The following SLC40A1 variants were observed in gnomAD, a reference collection of about 807,000 sequenced individuals.
SLC40A1 encodes ferroportin.
A neutral mutation model predicts 53.5 loss-of-function variants in SLC40A1; 16 were observed. That is an observed-to-expected ratio of 0.30 (90% CI 0.20 to 0.45). SLC40A1 has a LOEUF of 0.45. SLC40A1 is among the 20% of genes least tolerant of loss of function. The pLI, the probability that SLC40A1 is intolerant of heterozygous loss-of-function variation, is 1.00. For synonymous variants in SLC40A1, 247 were observed against 253.2 expected, an observed-to-expected ratio of 0.98 and a Z score of 0.23; for missense variants, 545 against 695.4, an observed-to-expected ratio of 0.78 and a Z score of 2.43.
chr2:189,568,749 C>T (rs2031016608), intron 5 of SLC40A1, among the ~76,000 whole-genome samples: 1 of 152,168 alleles, frequency 6.6e-6, no homozygotes, highest in Non-Finnish European at 1.5e-5. Context: ...GTTTTGTCTA[C>T]TTCATATATG....
At chr2:189,578,156 T>G (rs2031349649) in intron 2 of SLC40A1, 1 of 944,388 alleles carries the variant, frequency 1.1e-6, no homozygotes. Flanking sequence ...AACATAAATG[T>G]TTTGTTGTAA....
At chr2:189,570,972 G>A (rs2031107719) in intron 5 of SLC40A1, among the ~76,000 whole-genome samples, 1 of 152,150 alleles carries the variant, frequency 6.6e-6, no homozygotes, top group Non-Finnish European at 1.5e-5. Flanking sequence ...CAGGGGAATT[G>A]TAATTCCAAT....
At position 189,561,960 on chromosome 2, in the gene SLC40A1, G is replaced by A; in HGVS notation, c.1634C>T (p.Thr545Ile). 2 of 1,614,084 alleles carry A rather than the reference G, an allele frequency of 1.2e-6. No homozygotes were observed. Among genetic ancestry groups the A allele is most frequent in the Non-Finnish European group, 1.7e-6 (2 of 1,179,978 alleles). The change falls in exon 8 of 8, where the codon ACT becomes ATT. Residue 545 changes from threonine (T) to isoleucine (I), a missense_variant. Transcript: ENST00000261024. ...GCAAGCAAAGAGCTTGTTTCCCAGA[G>A]TATTTTGGGCAAATCGGAAATACAT... is the stretch of plus-strand genomic sequence containing the variant. ...HIMYFRFAQN[T>I]LGNKLFACGP... is the part of the protein sequence containing the mutation.
chr2:189,569,273 T>C (rs1377103343), intron 5 of SLC40A1, among the ~76,000 whole-genome samples: 2 of 152,208 alleles, frequency 1.3e-5, no homozygotes, highest in East Asian at 1.9e-4. Context: ...CTCAAAACTT[T>C]TACTTTTCAT....
intron 3 of SLC40A1, 134 bp from the exon 4 acceptor site, chr2:189,573,095 T>G: frequency 1.4e-6 from 1 of 740,252 alleles, no homozygotes; most frequent in Non-Finnish European, 2.4e-6. Flanking sequence ...AGAAAACCTT[T>G]CTGAAGTCAG....
At chr2:189,577,727 ACCT>A (rs1335634053) in intron 2 of SLC40A1, among the ~76,000 whole-genome samples, 11 of 148,416 alleles carry the variant, frequency 7.4e-5, no homozygotes, top group Non-Finnish European at 1.5e-5. Flanking sequence ...CAATTCTTCC[ACCT>A]CAGCCTCTCA....
chr2:189,570,483 G>T (rs1372358003), intron 5 of SLC40A1, among the ~76,000 whole-genome samples: 1 of 152,090 alleles, frequency 6.6e-6, no homozygotes, highest in African/African-American at 2.4e-5. Context: ...TGACAAAAAA[G>T]ACATGAAATT....
chr2:189,575,473 T>C (rs896864733), intron 2 of SLC40A1, among the ~76,000 whole-genome samples, 153 bp from the exon 3 acceptor site: 1 of 152,242 alleles, frequency 6.6e-6, no homozygotes, highest in African/African-American at 2.4e-5. Context: ...ACTGCTCAGA[T>C]GTTAAAACGT....
chr2:189,561,646 C>A lies in SLC40A1; in HGVS notation c.*232G>T, dbSNP rs976517405. Reference sequence around the variant, plus strand: ...GAATTCAGTGTTATCATTATAGTCTCCGTATTTAAACTGAGTTTTTCTTTT... The same window carrying A: ...GAATTCAGTGTTATCATTATAGTCTACGTATTTAAACTGAGTTTTTCTTTT... On this transcript the variant is annotated 3_prime_UTR_variant, in exon 8 of 8. Coordinates refer to ENST00000261024, the MANE Select transcript of SLC40A1 (RefSeq NM_014585.6). 1 of 519,278 alleles carries A rather than the reference C, an allele frequency of 1.9e-6. No individual in the cohort carries two copies. Among genetic ancestry groups the A allele is most frequent in the Non-Finnish European group, 3.5e-6 (1 of 288,382 alleles). 32.2% of individuals were successfully genotyped at this position (519,278 alleles called of 1,614,324 possible).
rs1174018670 is a variant in SLC40A1, at chr2:189,561,546, CT to C, written c.*331del. On this transcript the variant is annotated 3_prime_UTR_variant, in exon 8 of 8. Transcript: ENST00000261024. ...TCTGAATTCTAGTACAGATAAGAAT[CT>C]GTCAAATGATAACTGAATTCACGTG... 1 of 260,112 alleles carries C rather than the reference CT, an allele frequency of 3.8e-6. No homozygotes were observed. Among genetic ancestry groups the C allele is most frequent in the East Asian group, 9.1e-5 (1 of 10,960 alleles). 16.1% of individuals were successfully genotyped at this position (260,112 alleles called of 1,614,324 possible).
In SLC40A1 at chr2:189,575,218, C is replaced by G. The variant is rs374617058; in HGVS notation, c.214G>C (p.Val72Leu). The change falls in exon 3 of 8, where the codon GTT becomes CTT. Residue 72 changes from valine to leucine, a missense_variant. Physicochemically the swap from Val to Leu is conservative, Grantham distance 32. Coordinates refer to ENST00000261024, the MANE Select transcript of SLC40A1 (RefSeq NM_014585.6). ...AVYGLVVAGS[V>L]LVLGAIIGDW... ...CCGATGATGGCTCCCAGGACCAGAACAGACCCTGCCACCACCAGCCCGTAG... is the reference window on the plus strand; with the variant it reads ...CCGATGATGGCTCCCAGGACCAGAAGAGACCCTGCCACCACCAGCCCGTAG... 1 of 1,614,056 alleles carries G rather than the reference C, an allele frequency of 6.2e-7. No individual in the cohort carries two copies. The highest frequency in any genetic ancestry group is 1.3e-5 in the African/African-American group (1 of 74,924).
chr2:189,576,988 C>T (rs1299064335), intron 2 of SLC40A1, among the ~76,000 whole-genome samples: 1 of 152,172 alleles, frequency 6.6e-6, no homozygotes, highest in Admixed American at 6.5e-5. Flanking sequence ...CAATTTCCAA[C>T]GGGCTTAGGC....
chr2:189,575,899 G>T (rs10184864), intron 2 of SLC40A1, among the ~76,000 whole-genome samples: 1 of 152,134 alleles, frequency 6.6e-6, no homozygotes, highest in African/African-American at 2.4e-5. Flanking sequence ...ACAGCAGAGC[G>T]ATTGGAAAGA....
At chr2:189,577,171 C>T (rs2031315425) in intron 2 of SLC40A1, among the ~76,000 whole-genome samples, 1 of 152,208 alleles carries the variant, frequency 6.6e-6, no homozygotes, top group African/African-American at 2.4e-5. Flanking sequence ...GGACTGAGAG[C>T]TGAAGGCAAA....
intron 5 of SLC40A1, among the ~76,000 whole-genome samples, chr2:189,566,729 T>A (rs1229256567): frequency 6.6e-6 from 1 of 152,184 alleles, no homozygotes; most frequent in East Asian, 1.9e-4. Context: ...AGCTTTCTTC[T>A]CATTTATTCC....
At chr2:189,570,942 G>A (rs902241756) in intron 5 of SLC40A1, among the ~76,000 whole-genome samples, 1 of 152,122 alleles carries the variant, frequency 6.6e-6, no homozygotes, top group African/African-American at 2.4e-5. Flanking sequence ...AGGTAGGGAG[G>A]TGTACCCTTC....
Position 189,580,769 on chromosome 2 carries a change from TCCG to T in SLC40A1, c.-312_-310del, listed in dbSNP as rs3833570. 1.3e-4 allele frequency: 155 copies of T among 1,207,478 alleles called. No homozygotes were observed. Among genetic ancestry groups the T allele is most frequent in the East Asian group, 8.5e-4 (17 of 20,116 alleles). 74.8% of individuals were successfully genotyped at this position (1,207,478 alleles called of 1,614,324 possible). On this transcript the variant is annotated 5_prime_UTR_variant, in exon 1 of 8. Coordinates refer to ENST00000261024, the MANE Select transcript of SLC40A1 (RefSeq NM_014585.6). ...TAGCGGACGCCCTGAGCCAGCTCTC[TCCG>T]CCGCCGCCGCCGCCGCCGTGGGCCG... is the stretch of plus-strand genomic sequence containing the variant.
intron 5 of SLC40A1, among the ~76,000 whole-genome samples, chr2:189,569,292 C>T (rs2031048470): frequency 1.3e-5 from 2 of 152,022 alleles, no homozygotes; most frequent in African/African-American, 4.8e-5. Flanking sequence ...ATGGGCATAC[C>T]CCTCCCCTTT....
At chr2:189,566,162 C>G (rs905271854) in intron 5 of SLC40A1, among the ~76,000 whole-genome samples, 5 of 151,896 alleles carry the variant, frequency 3.3e-5, no homozygotes, top group Admixed American at 6.6e-5. Flanking sequence ...CTAAATAAGG[C>G]GAGGTCAGAG....
Sources: allele counts gnomAD v4.1 joint callset (sites outside exome capture counted in the v4.1 genomes callset), GRCh38; gene constraint gnomAD v4.1.1; transcripts MANE v1.5; gene names NCBI Gene and HGNC (gene_info 2026-07-23, HGNC 2026-07-21).